The following ATP2C1 variants were observed in gnomAD, a reference collection of about 807,000 sequenced individuals.
ATP2C1 encodes calcium-transporting ATPase type 2C member 1.
ATP2C1 carries 31 observed loss-of-function variants against 120.5 expected under a neutral mutation model. The ratio of observed to expected loss-of-function variants is 0.26; its 90% CI spans 0.19 to 0.35. The LOEUF (loss-of-function observed/expected upper bound fraction) is 0.35. ATP2C1 is among the 10% of genes least tolerant of loss of function. The probability of loss-of-function intolerance (pLI) is 1.00; values close to 1 mark genes in which losing one functional copy is unlikely to be tolerated. For missense variants in ATP2C1, 731 were observed against 1,107.5 expected, an observed-to-expected ratio of 0.66 and a Z score of 4.83; for synonymous variants, 351 against 358.7, an observed-to-expected ratio of 0.98 and a Z score of 0.24.
chr3:130,873,786 T>A (rs2068509758), intron 1 of ATP2C1, among the ~76,000 whole-genome samples: 1 of 152,008 alleles, frequency 6.6e-6, no homozygotes, highest in South Asian at 2.1e-4. Context: ...AATTCCATAG[T>A]CGAATCTGTC....
At chr3:131,004,017 C>T (rs541250194), downstream of ATP2C1, among the ~76,000 whole-genome samples, 2 of 152,152 alleles carry the variant, frequency 1.3e-5, no homozygotes, top group Admixed American at 1.3e-4. Flanking sequence ...TTTTTTAGTA[C>T]CTGGAGTGTG....
intron 2 of ATP2C1, among the ~76,000 whole-genome samples, chr3:130,896,813 AAACCCT>A: frequency 6.6e-6 from 1 of 152,322 alleles, no homozygotes; most frequent in Admixed American, 6.5e-5. Context: ...ATTAAATGAG[AAACCCT>A]GTATAAATTC....
chr3:130,914,859 T>C (rs1043801960), intron 2 of ATP2C1, among the ~76,000 whole-genome samples: 2 of 152,192 alleles, frequency 1.3e-5, no homozygotes, highest in African/African-American at 4.8e-5. Context: ...TAGATTTCAA[T>C]AGAAGAAGCC....
At chr3:130,885,094 C>A (rs1350978820) in intron 1 of ATP2C1, among the ~76,000 whole-genome samples, 1 of 151,942 alleles carries the variant, frequency 6.6e-6, no homozygotes, top group Non-Finnish European at 1.5e-5. Flanking sequence ...CGACAACGCC[C>A]AGCTAATTTT....
intron 2 of ATP2C1, among the ~76,000 whole-genome samples, chr3:130,908,835 T>C (rs1235757244): frequency 6.6e-6 from 1 of 152,174 alleles, no homozygotes; most frequent in African/African-American, 2.4e-5. Context: ...ATTGTGATTT[T>C]TATTGCTGTG....
At position 130,932,024 on chromosome 3, in the gene ATP2C1, T is replaced by A; in HGVS notation, c.120T>A (p.Ala40=). Residue 40 remains alanine, a splice_region_variant and synonymous_variant, in exon 4 of 28, where the codon GCT becomes GCA. Coordinates refer to ENST00000510168, the MANE Select transcript of ATP2C1 (RefSeq NM_001378687.1). The part of the protein sequence containing the change: ...PVSEVASILQ[A]DLQNGLNKCE... The stretch of plus-strand genomic sequence containing the variant: ...CTTTCATGTATAAACTCTAATAGGC[T>A]GATCTTCAGAATGGTCTAAACAAAT... 6.3e-7 allele frequency: 1 copy of A among 1,596,238 alleles called. No individual in the cohort carries two copies. The highest frequency in any genetic ancestry group is 8.6e-7 in the Non-Finnish European group (1 of 1,163,804).
intron 2 of ATP2C1, among the ~76,000 whole-genome samples, chr3:130,925,942 A>T (rs538916612): frequency 1.3e-5 from 2 of 152,254 alleles, no homozygotes; most frequent in Admixed American, 6.5e-5. Context: ...GCTTCCATGC[A>T]ACCTGTGGTC....
intron 18 of ATP2C1, among the ~76,000 whole-genome samples, chr3:130,978,676 T>C (rs1195986961): frequency 1.3e-5 from 2 of 152,208 alleles, no homozygotes; most frequent in African/African-American, 4.8e-5. Flanking sequence ...CAAACTATTG[T>C]TGGTATTAAT....
chr3:130,899,005 C>T (rs988387366), intron 2 of ATP2C1, among the ~76,000 whole-genome samples: 12 of 152,128 alleles, frequency 7.9e-5, no homozygotes, highest in Non-Finnish European at 1.0e-4. Flanking sequence ...TTTCAGGCAT[C>T]AGTTGTGACA....
chr3:130,972,728 C>T (rs369416257), intron 17 of ATP2C1, among the ~76,000 whole-genome samples: 2 of 147,928 alleles, frequency 1.4e-5, no homozygotes, highest in African/African-American at 2.5e-5. Flanking sequence ...GGTTTTTTGT[C>T]CTTGCGATAG....
chr3:131,007,471 T>G (rs181789670), downstream of ATP2C1, among the ~76,000 whole-genome samples: 2 of 152,350 alleles, frequency 1.3e-5, no homozygotes, highest in East Asian at 3.9e-4. Flanking sequence ...TAAGCAATAG[T>G]TGCATTGCTC....
chr3:130,963,588 C>T (rs781064850), intron 12 of ATP2C1: 10 of 230,022 alleles, frequency 4.3e-5, no homozygotes, highest in Non-Finnish European at 8.7e-5. Context: ...TTTTGGCTAT[C>T]GTGAATAGTG....
At chr3:130,881,690 A>G (rs1014578183) in intron 1 of ATP2C1, among the ~76,000 whole-genome samples, 1 of 152,252 alleles carries the variant, frequency 6.6e-6, no homozygotes, top group Non-Finnish European at 1.5e-5. Flanking sequence ...TTCCATGAAT[A>G]TAGAATATGT....
chr3:130,918,142 A>G, intron 2 of ATP2C1: 2 of 838,364 alleles, frequency 2.4e-6, no homozygotes, highest in South Asian at 2.8e-5. Flanking sequence ...AGAATTTTGC[A>G]GTAGTTTAGA....
At chr3:130,853,802 G>T (rs528534150) in intron 1 of ATP2C1, among the ~76,000 whole-genome samples, 1 of 152,104 alleles carries the variant, frequency 6.6e-6, no homozygotes, top group East Asian at 1.9e-4. Flanking sequence ...CTTGTTCTTT[G>T]TTCCCTGAGG....
rs3821703 is a variant in ATP2C1, at chr3:130,902,370, T to G, written c.6+7595T>G. 3.9e-3 allele frequency among the ~76,000 whole-genome samples: 575 copies of G among 146,388 alleles called. 27 individuals are homozygous for G. In the East Asian group the frequency reaches 0.1, roughly 26 times the overall value. Reference sequence around the variant, plus strand: ...AGGAAACATAGAGTAGCTTTTATAATCTTAATGCTTTTCTCATGGTTTTAT... The same window carrying G: ...AGGAAACATAGAGTAGCTTTTATAAGCTTAATGCTTTTCTCATGGTTTTAT... On this transcript the variant is annotated intron_variant, in intron 2 of 27. Coordinates refer to ENST00000510168, the MANE Select transcript of ATP2C1 (RefSeq NM_001378687.1).
intron 17 of ATP2C1, among the ~76,000 whole-genome samples, chr3:130,972,519 A>G (rs985775268): frequency 1.3e-5 from 2 of 150,784 alleles, no homozygotes; most frequent in African/African-American, 2.4e-5. Context: ...CATGTGCACA[A>G]TGTGCCGGTT....
At chr3:130,916,232 C>T (rs1239251396) in intron 2 of ATP2C1, among the ~76,000 whole-genome samples, 2 of 149,900 alleles carry the variant, frequency 1.3e-5, no homozygotes, top group African/African-American at 2.5e-5. Flanking sequence ...ACGGTGAAAC[C>T]CTGTCTCTAC....
chr3:130,933,426 T>C (rs549622899), intron 4 of ATP2C1, among the ~76,000 whole-genome samples: 1 of 152,188 alleles, frequency 6.6e-6, no homozygotes, highest in Non-Finnish European at 1.5e-5. Flanking sequence ...CACGGTGCTT[T>C]AATGTACATT....
Sources: gnomAD v4.1 joint callset for allele counts (sites outside exome capture counted in the v4.1 genomes callset) on GRCh38, gnomAD v4.1.1 for gene constraint, MANE v1.5 for transcripts, NCBI Gene and HGNC (gene_info 2026-07-23, HGNC 2026-07-21) for gene names.